The following NKAIN2 variants were observed in gnomAD, a reference collection of about 807,000 sequenced individuals.
NKAIN2 encodes sodium/potassium transporting ATPase interacting 2, also known as sodium/potassium-transporting ATPase subunit beta-1-interacting protein 2.
In NKAIN2, 14 loss-of-function variants were observed where a neutral mutation model predicts 32.6. The observed-to-expected ratio is 0.43, with a 90% confidence interval of 0.28 to 0.67. The LOEUF (loss-of-function observed/expected upper bound fraction) is 0.67, where lower values mean the gene tolerates loss of function less well. Among genes scored for constraint, NKAIN2 ranks in the 30% least tolerant of loss-of-function variants. The pLI is 0.17. For synonymous variants in NKAIN2, 80 were observed against 87.2 expected (o/e 0.92, Z 0.46); for missense variants, 198 against 258.3 (o/e 0.77, Z 1.60).
chr6:124,441,774 C>T (rs373977881), intron 3 of NKAIN2, among the ~76,000 whole-genome samples: 100 of 151,974 alleles, frequency 6.6e-4, no homozygotes, highest in African/African-American at 2.2e-3. Context: ...TTCTGTGCAG[C>T]GATAAATAAA....
At chr6:124,452,469 C>T (rs529460502) in intron 3 of NKAIN2, among the ~76,000 whole-genome samples, 19 of 151,972 alleles carry the variant, frequency 1.3e-4, no homozygotes, top group African/African-American at 4.3e-4. Context: ...AATATTAGTG[C>T]AGTTAATTAT....
At chr6:124,551,343 C>G (rs987230679) in intron 3 of NKAIN2, among the ~76,000 whole-genome samples, 3 of 152,194 alleles carry the variant, frequency 2.0e-5, no homozygotes, top group Non-Finnish European at 4.4e-5. Context: ...ATGTAGAGAA[C>G]TTGTAGAGCA....
intron 1 of NKAIN2, among the ~76,000 whole-genome samples, chr6:124,185,847 A>G (rs188231421): frequency 8.1e-6 from 1 of 123,732 alleles, no homozygotes; most frequent in African/African-American, 2.6e-5. Flanking sequence ...AATAATACCA[A>G]CATCAAATAA....
At chr6:123,908,098 G>T (rs903401931) in intron 1 of NKAIN2, among the ~76,000 whole-genome samples, 1 of 152,136 alleles carries the variant, frequency 6.6e-6, no homozygotes, top group Non-Finnish European at 1.5e-5. Context: ...TCAGGAGAAA[G>T]AGTTCGATTA....
chr6:124,762,490 AAG>A (rs941618243), intron 4 of NKAIN2, among the ~76,000 whole-genome samples: 1 of 152,208 alleles, frequency 6.6e-6, no homozygotes, highest in African/African-American at 2.4e-5. Flanking sequence ...ATTTCTTCAT[AAG>A]AGAGAAAAAT....
At chr6:123,854,653 C>CA (rs1023806251) in intron 1 of NKAIN2, among the ~76,000 whole-genome samples, 1 of 152,136 alleles carries the variant, frequency 6.6e-6, no homozygotes, top group Non-Finnish European at 1.5e-5. Context: ...TCCAAATTTA[C>CA]AGACAAGTAA....
chr6:124,371,176 C>T (rs890389370), intron 3 of NKAIN2, among the ~76,000 whole-genome samples: 2 of 151,636 alleles, frequency 1.3e-5, no homozygotes, highest in African/African-American at 4.8e-5. Flanking sequence ...TAAGTTATAC[C>T]TCAATAAATA....
intron 3 of NKAIN2, among the ~76,000 whole-genome samples, chr6:124,438,273 T>TC (rs1775545909): frequency 6.6e-6 from 1 of 152,132 alleles, no homozygotes; most frequent in Non-Finnish European, 1.5e-5. Context: ...ATGTTTTTTT[T>TC]CCAAACACTT....
chr6:123,833,691 C>CTG (rs59906355), intron 1 of NKAIN2, among the ~76,000 whole-genome samples: 12,789 of 129,398 alleles, frequency 0.099, 674 homozygotes, highest in African/African-American at 0.12. Flanking sequence ...ATTTTTTTTC[C>CTG]TGTGTGTGTG....
intron 4 of NKAIN2, among the ~76,000 whole-genome samples, chr6:124,696,837 G>C (rs1774522592): frequency 6.6e-6 from 1 of 150,710 alleles, no homozygotes; most frequent in Non-Finnish European, 1.5e-5. Context: ...ACAGAATTTA[G>C]GGAACTTGTT....
At chr6:124,346,390 G>T (rs1798425340) in intron 2 of NKAIN2, among the ~76,000 whole-genome samples, 1 of 152,140 alleles carries the variant, frequency 6.6e-6, no homozygotes, top group Non-Finnish European at 1.5e-5. Context: ...GGGTATCCCT[G>T]TCAACTTTCC....
Position 124,371,709 on chromosome 6 carries a change from A to G in NKAIN2, c.273+16362A>G, listed in dbSNP as rs910966844. Among the ~76,000 whole-genome samples the G allele has an allele frequency of 4.6e-5, 7 of 151,178 alleles. No individual in the cohort carries two copies. In the South Asian group the frequency reaches 6.2e-4, roughly 13 times the overall value. On this transcript the variant is annotated intron_variant, in intron 3 of 6. Transcript: ENST00000368417. ...ACTCTGTCTCAAAAAAAAAAAAAAA[A>G]AAAGAAAGAAAGGAAAAAAAAGAGT...
intron 3 of NKAIN2, among the ~76,000 whole-genome samples, chr6:124,382,916 C>T (rs1242784043): frequency 6.6e-6 from 1 of 152,120 alleles, no homozygotes; most frequent in Non-Finnish European, 1.5e-5. Flanking sequence ...AGTTTTCTGG[C>T]CTGTGCCTGA....
chr6:124,454,106 T>TTGGG (rs1491320529), intron 3 of NKAIN2, among the ~76,000 whole-genome samples: 28 of 60,754 alleles, frequency 4.6e-4, no homozygotes, highest in Admixed American at 7.8e-4. Context: ...GTTTTTTTTT[T>TTGGG]GGGGGGGGGG....
At chr6:124,453,351 A>ACACACACG (rs1439985408) in intron 3 of NKAIN2, among the ~76,000 whole-genome samples, 28 of 133,504 alleles carry the variant, frequency 2.1e-4, no homozygotes, top group Admixed American at 1.3e-3. Context: ...ACACACACAC[A>ACACACACG]CACACACACA....
chr6:124,402,418 A>G (rs1773663123), intron 3 of NKAIN2, among the ~76,000 whole-genome samples: 1 of 152,222 alleles, frequency 6.6e-6, no homozygotes, highest in Non-Finnish European at 1.5e-5. Context: ...GTGATAAGTC[A>G]AGTGTTCCTA....
intron 5 of NKAIN2, among the ~76,000 whole-genome samples, chr6:124,796,371 T>C (rs1408408760): frequency 6.6e-6 from 1 of 152,140 alleles, no homozygotes. Flanking sequence ...TTTCCAAATA[T>C]AGTCAGGCAT....
intron 1 of NKAIN2, among the ~76,000 whole-genome samples, chr6:123,820,528 G>C (rs1773879384): frequency 6.6e-6 from 1 of 152,110 alleles, no homozygotes; most frequent in East Asian, 1.9e-4. Context: ...GGAGGGTGTG[G>C]TGGAACCAGT....
At chr6:123,905,289 G>A (rs1017847938) in intron 1 of NKAIN2, among the ~76,000 whole-genome samples, 1 of 152,032 alleles carries the variant, frequency 6.6e-6, no homozygotes, top group Non-Finnish European at 1.5e-5. Context: ...ACATAGAGGG[G>A]CCTCGGTGGG....
Sources: allele counts gnomAD v4.1 joint callset (sites outside exome capture counted in the v4.1 genomes callset), GRCh38; gene constraint gnomAD v4.1.1; transcripts MANE v1.5; gene names NCBI Gene and HGNC (gene_info 2026-07-23, HGNC 2026-07-21).